Variants in STAT2 observed in about 807,000 individuals in gnomAD.
STAT2 encodes the protein signal transducer and activator of transcription 2.
STAT2 carries 51 observed loss-of-function variants against 122.3 expected under a neutral mutation model. The observed-to-expected ratio is 0.42, with a 90% CI of 0.33 to 0.53. STAT2 has a LOEUF of 0.53. STAT2 is among the 20% of genes least tolerant of loss of function. The pLI is 0.10. For missense variants in STAT2, 736 were observed against 1,010.3 expected (o/e 0.73, Z 3.68); for synonymous variants, 351 against 394.9 (o/e 0.89, Z 1.32).
At chr12:56,344,820 T>C (rs1244110723) in intron 22 of STAT2, among the ~76,000 whole-genome samples, 2 of 151,668 alleles carry the variant, frequency 1.3e-5, no homozygotes, top group Non-Finnish European at 2.9e-5. Flanking sequence ...GCCTGGCCAA[T>C]ATGGTAAAAC....
chr12:56,346,845 C>G lies in STAT2; in HGVS notation c.1835G>C (p.Cys612Ser), dbSNP rs1218750692. 1 of 1,613,912 alleles carries G rather than the reference C, an allele frequency of 6.2e-7. No homozygotes were observed. Among genetic ancestry groups the G allele is most frequent in the African/African-American group, 1.3e-5 (1 of 74,898 alleles). The change falls in exon 20 of 24, where the codon TGC (cysteine) becomes TCC (serine). Residue 612 changes from cysteine (C) to serine (S), a missense_variant. By Grantham distance (112) the Cys-to-Ser change is moderately radical (BLOSUM62 -1). Transcript: ENST00000314128. ...FSESSEGGIT[C>S]SWVEHQDDDK... ...ATCATCCTGGTGCTCCACCCAGGAG[C>G]AGGTAATGCCCCCTTCTGACGATTC...
intron 11 of STAT2, 150 bp from the exon 12 acceptor site, chr12:56,350,582 G>T: frequency 1.2e-6 from 1 of 806,422 alleles, no homozygotes; most frequent in Non-Finnish European, 2.0e-6. Context: ...GTCTCTCTAA[G>T]CCTGTATCTT....
chr12:56,349,284 A>G lies in STAT2; in HGVS notation c.1342-23T>C, dbSNP rs1394030450. The G allele has an allele frequency of 2.5e-6, 4 of 1,614,158 alleles. No homozygotes were observed. The Admixed American group carries it at 6.7e-5, about 27-fold the overall frequency. ...CGTCTGGGGAGAAGACAGGAGTCACAGAGAGGGATGTGATGTTTCTAGCTG... is the reference window on the plus strand; with the variant it reads ...CGTCTGGGGAGAAGACAGGAGTCACGGAGAGGGATGTGATGTTTCTAGCTG... On this transcript the variant is annotated intron_variant, in intron 15 of 23. Transcript: ENST00000314128.
chr12:56,355,687 T>G, intron 4 of STAT2, 21 bp downstream of exon 4: 5 of 1,611,772 alleles, frequency 3.1e-6, no homozygotes, highest in Non-Finnish European at 4.2e-6. Context: ...GTTTCCAACA[T>G]TACCACTGAA....
chr12:56,343,873 G>A lies in STAT2; in HGVS notation c.2365C>T (p.Pro789Ser). Residue 789 changes from proline to serine, a missense_variant, in exon 23 of 24, where the codon CCA (proline) becomes TCA (serine). Coordinates refer to ENST00000314128, the MANE Select transcript of STAT2 (RefSeq NM_005419.4). ...TGTCTCAGATCACAGGGCAAATCTG[G>A]CTCTGGCACTGGCTGTGATACAGGT... ...QGPVSQPVPE[P>S]DLPCDLRHLN... 6.2e-7 allele frequency: 1 copy of A among 1,614,186 alleles called. No individual in the cohort carries two copies.
chr12:56,352,851 G>A (rs557517230), intron 8 of STAT2, among the ~76,000 whole-genome samples: 7 of 151,854 alleles, frequency 4.6e-5, no homozygotes, highest in Non-Finnish European at 7.4e-5. Context: ...ACAGGGTCTC[G>A]TTCTGTTGTC....
intron 22 of STAT2, among the ~76,000 whole-genome samples, chr12:56,345,513 A>AT (rs1877263848): frequency 3.2e-5 from 3 of 94,754 alleles, no homozygotes; most frequent in Admixed American, 1.1e-4. Context: ...AAAAAAAAAA[A>AT]AAAAAAAAAA....
At chr12:56,353,119 G>A (rs572578179) in intron 8 of STAT2, among the ~76,000 whole-genome samples, 1 of 152,222 alleles carries the variant, frequency 6.6e-6, no homozygotes, top group South Asian at 2.1e-4. Context: ...GAGTAGCTGG[G>A]AATACAGGCA....
At position 56,343,325 on chromosome 12, in the gene STAT2, C is replaced by T. The variant is rs1356895134; in HGVS notation, c.*64G>A. The T allele has an allele frequency of 2.6e-6, 4 of 1,566,166 alleles. No individual in the cohort carries two copies. The highest frequency in any genetic ancestry group is 1.2e-5 in the South Asian group (1 of 85,020). Reference sequence around the variant, plus strand: ...ATGCCTGATTCCCATCCTTGGAGAACAATATCATGCTATGAGGAGTAGGAA... The same window carrying T: ...ATGCCTGATTCCCATCCTTGGAGAATAATATCATGCTATGAGGAGTAGGAA... On this transcript the variant is annotated 3_prime_UTR_variant, in exon 24 of 24. Transcript: ENST00000314128.
chr12:56,352,270 G>A (rs1007745555), intron 8 of STAT2: 2 of 148,984 alleles, frequency 1.3e-5, no homozygotes, highest in Non-Finnish European at 3.0e-5. Flanking sequence ...GCAATGTGGT[G>A]ACAGGAAAAC....
chr12:56,355,239 C>T lies in STAT2; in HGVS notation c.547+37G>A, dbSNP rs770407335. 1.9e-6 allele frequency: 3 copies of T among 1,612,358 alleles called. No individual in the cohort carries two copies. In the Admixed American group the frequency reaches 5.0e-5, roughly 27 times the overall value. ...CTTCCAGCTCCGGCTTCTCAGCAGG[C>T]ACTTATCTTTCTCCAGCCCCTCAAT... On this transcript the variant is annotated intron_variant, in intron 6 of 23. Coordinates refer to ENST00000314128, the MANE Select transcript of STAT2 (RefSeq NM_005419.4).
intron 21 of STAT2, 81 bp downstream of exon 21, chr12:56,346,361 T>A: frequency 6.3e-7 from 1 of 1,577,582 alleles, no homozygotes. Flanking sequence ...AGTTTTCCCA[T>A]GCTTTAAAGG....
rs201915507 is a variant in STAT2, at chr12:56,346,146, C to G, written c.2102G>C (p.Arg701Thr). Residue 701 changes from arginine to threonine, a missense_variant and splice_region_variant, in exon 22 of 24, where the codon AGA (arginine) becomes ACA (threonine). Transcript: ENST00000314128. ...LKHRLIVVSN[R>T]QVDELQQPLE... is the part of the protein sequence containing the mutation. ...GATGAATGAAGAGTTCATATCTCAC[C>G]TATTAGAGACCACAATGAGCCTGTG... The G allele has an allele frequency of 1.2e-6, 2 of 1,614,136 alleles. No homozygotes were observed. The highest frequency in any genetic ancestry group is 1.7e-6 in the Non-Finnish European group (2 of 1,180,014).
At position 56,346,807 on chromosome 12, in the gene STAT2, A is replaced by G; in HGVS notation, c.1861+12T>C. ...GGAGAGGCTGTGGGAATGGCAGGGC[A>G]GAGCAGCTGACCATCATCCTGGTGC... On this transcript the variant is annotated intron_variant, in intron 20 of 23. Transcript: ENST00000314128. The G allele has an allele frequency of 6.2e-7, 1 of 1,614,176 alleles. No individual in the cohort carries two copies. Among genetic ancestry groups the G allele is most frequent in the South Asian group, 1.1e-5 (1 of 91,088 alleles).
At chr12:56,353,128 C>T (rs1403844466) in intron 8 of STAT2, among the ~76,000 whole-genome samples, 1 of 152,126 alleles carries the variant, frequency 6.6e-6, no homozygotes, top group Non-Finnish European at 1.5e-5. Flanking sequence ...GGAATACAGG[C>T]ATGCGCCACC....
intron 12 of STAT2, 85 bp from the exon 13 acceptor site, chr12:56,350,275 C>T: frequency 7.0e-7 from 1 of 1,436,314 alleles, no homozygotes; most frequent in Non-Finnish European, 9.6e-7. Context: ...AGTTCCACTT[C>T]ATTTCAGATC....
chr12:56,344,800 T>A (rs1877103456), intron 22 of STAT2, among the ~76,000 whole-genome samples: 4 of 150,476 alleles, frequency 2.7e-5, no homozygotes, highest in Admixed American at 2.6e-4. Flanking sequence ...AGGTCAGGAG[T>A]TTGAGACCAG....
At chr12:56,344,527 A>G (rs1877059213) in intron 22 of STAT2, among the ~76,000 whole-genome samples, 1 of 152,228 alleles carries the variant, frequency 6.6e-6, no homozygotes, top group African/African-American at 2.4e-5. Context: ...TTGTAGATTC[A>G]ATAAAATGAG....
chr12:56,350,026 G>C, intron 13 of STAT2, 71 bp downstream of exon 13: 1 of 1,386,022 alleles, frequency 7.2e-7, no homozygotes, highest in Non-Finnish European at 1.0e-6. Flanking sequence ...TCCAGCCTGG[G>C]GGACAGAGTG....
Sources: allele counts gnomAD v4.1 joint callset (sites outside exome capture counted in the v4.1 genomes callset), GRCh38; gene constraint gnomAD v4.1.1; transcripts MANE v1.5; gene names NCBI Gene and HGNC (gene_info 2026-07-23, HGNC 2026-07-21).